Variants in NTM observed in about 807,000 individuals in gnomAD.
NTM encodes IgLON family member 2.
NTM carries 13 observed loss-of-function variants against 42.1 expected under a neutral mutation model. That is an observed-to-expected ratio of 0.31 (90% CI 0.20 to 0.49). The LOEUF (loss-of-function observed/expected upper bound fraction) is 0.49, where lower values mean the gene tolerates loss of function less well. Ranked by LOEUF, NTM falls within the 20% of genes least tolerant of loss-of-function variation. The probability of loss-of-function intolerance (pLI) is 0.99; values close to 1 mark genes in which losing one functional copy is unlikely to be tolerated. For missense variants in NTM, 373 were observed against 452.8 expected, an observed-to-expected ratio of 0.82 and a Z score of 1.60; for synonymous variants, 187 against 179.2, an observed-to-expected ratio of 1.04 and a Z score of -0.35.
At chr11:131,840,729 C>G (rs1481461452) in intron 1 of NTM, among the ~76,000 whole-genome samples, 1 of 152,162 alleles carries the variant, frequency 6.6e-6, no homozygotes, top group African/African-American at 2.4e-5. Context: ...GGATGTGAAA[C>G]TGAACAAAGC....
At chr11:131,847,407 G>A (rs890716702) in intron 1 of NTM, among the ~76,000 whole-genome samples, 1 of 152,140 alleles carries the variant, frequency 6.6e-6, no homozygotes, top group East Asian at 1.9e-4. Flanking sequence ...GGTAAAGCAG[G>A]GAATGAGATG....
At chr11:131,567,196 A>G (rs1339600999) in intron 1 of NTM, among the ~76,000 whole-genome samples, 1 of 152,058 alleles carries the variant, frequency 6.6e-6, no homozygotes, top group Non-Finnish European at 1.5e-5. Flanking sequence ...GGGAAACCTA[A>G]AAAAACCCTA....
chr11:132,023,819 G>GGTGGTGGTGGTT (rs1255279349), intron 2 of NTM, among the ~76,000 whole-genome samples: 1 of 142,828 alleles, frequency 7.0e-6, no homozygotes. Flanking sequence ...TTTTGTTGTT[G>GGTGGTGGTGGTT]TTGTTGTTGT....
intron 2 of NTM, among the ~76,000 whole-genome samples, chr11:132,048,277 G>A (rs2078301636): frequency 1.3e-5 from 2 of 152,106 alleles, no homozygotes; most frequent in South Asian, 2.1e-4. Context: ...CCTCCCTTCA[G>A]CGGCAAAGCA....
intron 1 of NTM, among the ~76,000 whole-genome samples, chr11:131,672,614 G>T (rs1395036541): frequency 1.3e-5 from 2 of 152,130 alleles, no homozygotes; most frequent in East Asian, 3.9e-4. Flanking sequence ...GGCATTAATT[G>T]TATGACAGAA....
At chr11:131,910,994 C>A (rs2054798672) in intron 1 of NTM, 2 of 998,736 alleles carry the variant, frequency 2.0e-6, no homozygotes, top group Admixed American at 1.1e-4. Flanking sequence ...GTGGCGAGCC[C>A]GGCTCCGAAA....
intron 2 of NTM, among the ~76,000 whole-genome samples, chr11:131,964,168 G>T (rs938903635): frequency 6.6e-6 from 1 of 152,128 alleles, no homozygotes; most frequent in East Asian, 1.9e-4. Flanking sequence ...TTAACCAAGG[G>T]AGCTGGAGAA....
chr11:131,566,432 CGTGT>C (rs60357480), intron 1 of NTM, among the ~76,000 whole-genome samples: 57 of 151,050 alleles, frequency 3.8e-4, no homozygotes, highest in South Asian at 6.3e-4. Context: ...TCTCGATGTG[CGTGT>C]GTGTGTGTGT....
chr11:131,546,492 C>A (rs770158383), intron 1 of NTM, among the ~76,000 whole-genome samples: 1 of 152,196 alleles, frequency 6.6e-6, no homozygotes, highest in Non-Finnish European at 1.5e-5. Context: ...GCCTATCAAT[C>A]CCTGGTCAAA....
chr11:131,658,517 C>T (rs1426045932), intron 1 of NTM, among the ~76,000 whole-genome samples: 1 of 152,190 alleles, frequency 6.6e-6, no homozygotes, highest in East Asian at 1.9e-4. Flanking sequence ...CTCGCATTCT[C>T]TCTTATTCAA....
chr11:131,876,751 A>G (rs1402107640), intron 1 of NTM, among the ~76,000 whole-genome samples: 3 of 152,266 alleles, frequency 2.0e-5, no homozygotes, highest in African/African-American at 7.2e-5. Flanking sequence ...GTGAATAAAA[A>G]TAACAATGGC....
chr11:132,171,317 G>T (rs999353798), intron 3 of NTM, among the ~76,000 whole-genome samples: 3 of 152,096 alleles, frequency 2.0e-5, no homozygotes, highest in Non-Finnish European at 4.4e-5. Flanking sequence ...CCATAGACTG[G>T]GTTGCTTATT....
At chr11:131,391,644 G>GA (rs5795723) in intron 1 of NTM, among the ~76,000 whole-genome samples, 44,089 of 81,544 alleles carry the variant, frequency 0.54, 11,971 homozygotes, top group Non-Finnish European at 0.62. Context: ...TTTTATCTGG[G>GA]AAAAAAAAAA....
chr11:132,092,624 A>G (rs536698690), intron 2 of NTM, among the ~76,000 whole-genome samples: 18 of 152,276 alleles, frequency 1.2e-4, no homozygotes, highest in African/African-American at 3.1e-4. Flanking sequence ...AGTGCCAGCT[A>G]TATGCTGATG....
At chr11:131,737,180 A>T (rs1219953784) in intron 1 of NTM, among the ~76,000 whole-genome samples, 1 of 152,230 alleles carries the variant, frequency 6.6e-6, no homozygotes, top group Non-Finnish European at 1.5e-5. Context: ...AGAAGAGCTC[A>T]TTTAACGGAA....
chr11:131,874,030 A>ATATATATATATATATATATATATATATAT (rs1555162935), intron 1 of NTM, among the ~76,000 whole-genome samples: 1 of 76,632 alleles, frequency 1.3e-5, no homozygotes, highest in Non-Finnish European at 2.9e-5. Flanking sequence ...AATATAATAT[A>ATATATATATATATATATATATATATATAT]ATATATATAT....
At chr11:131,918,241 A>C (rs1038534016) in intron 2 of NTM, among the ~76,000 whole-genome samples, 6 of 152,150 alleles carry the variant, frequency 3.9e-5, no homozygotes, top group African/African-American at 1.4e-4. Flanking sequence ...ATGCATGCTG[A>C]AGGAAAGGCC....
intron 2 of NTM, among the ~76,000 whole-genome samples, chr11:132,078,004 T>G (rs979826170): frequency 6.6e-6 from 1 of 152,184 alleles, no homozygotes; most frequent in Non-Finnish European, 1.5e-5. Context: ...ATCAAACACT[T>G]GAAAAATAGA....
chr11:131,758,087 C>T (rs1240354659), intron 1 of NTM, among the ~76,000 whole-genome samples: 1 of 152,232 alleles, frequency 6.6e-6, no homozygotes, highest in Non-Finnish European at 1.5e-5. Flanking sequence ...AGTAGCCTTA[C>T]TTAAGCAACA....
Sources: allele counts gnomAD v4.1 joint callset (sites outside exome capture counted in the v4.1 genomes callset), GRCh38; gene constraint gnomAD v4.1.1; transcripts MANE v1.5; gene names NCBI Gene and HGNC (gene_info 2026-07-23, HGNC 2026-07-21).